MANBA: variants seen among roughly 807,000 people sequenced by gnomAD.
The protein encoded by MANBA is beta-mannosidase.
MANBA carries 83 observed loss-of-function variants against 111.1 expected under a neutral mutation model. The ratio of observed to expected loss-of-function variants is 0.75; its 90% CI spans 0.63 to 0.90. The LOEUF (loss-of-function observed/expected upper bound fraction) is 0.90. Ranked by LOEUF, MANBA falls within the 40% of genes least tolerant of loss-of-function variation. The pLI, the probability that MANBA is intolerant of heterozygous loss-of-function variation, is 0.00. For synonymous variants in MANBA, 370 were observed against 378.7 expected, an observed-to-expected ratio of 0.98 and a Z score of 0.27; for missense variants, 1,036 against 1,069.0, an observed-to-expected ratio of 0.97 and a Z score of 0.43.
At chr4:102,733,358 T>C (rs1723098468) in intron 1 of MANBA, among the ~76,000 whole-genome samples, 1 of 151,846 alleles carries the variant, frequency 6.6e-6, no homozygotes, top group African/African-American at 2.4e-5. Flanking sequence ...CATTTTTTTT[T>C]TTTTTTTTTG....
chr4:102,740,244 T>C lies in MANBA; in HGVS notation c.178-13561A>G, dbSNP rs138682640. 4.9e-3 allele frequency among the ~76,000 whole-genome samples: 751 copies of C among 152,136 alleles called. 3 individuals are homozygous for C. The highest frequency in any genetic ancestry group is 0.01 in the Middle Eastern group (3 of 294). On this transcript the variant is annotated intron_variant, in intron 1 of 16. Coordinates refer to ENST00000647097, the MANE Select transcript of MANBA (RefSeq NM_005908.4). ...TTAGGAATATACCTAACCAAGGACA[T>C]GAAAGACCTCTACAAGGAAAACCAT...
chr4:102,708,144 CT>C (rs1402851378), intron 5 of MANBA, among the ~76,000 whole-genome samples: 1 of 152,112 alleles, frequency 6.6e-6, no homozygotes, highest in African/African-American at 2.4e-5. Flanking sequence ...TTAAGCTGTA[CT>C]TTAGACCAAA....
At position 102,733,022 on chromosome 4, in the gene MANBA, A is replaced by G. The variant is rs559700000; in HGVS notation, c.178-6339T>C. ...GAAGGAATCTGCAAGTTGGTTCAAG[A>G]GGGCAATCTTCCCAGATATATTTTT... On this transcript the variant is annotated intron_variant, in intron 1 of 16. Transcript: ENST00000647097. Among the ~76,000 whole-genome samples, 205 of 152,316 alleles carry G rather than the reference A, an allele frequency of 1.3e-3. No individual in the cohort carries two copies. The Middle Eastern group carries it at 0.017, about 13-fold the overall frequency.
At chr4:102,755,397 C>T (rs1320002578) in intron 1 of MANBA, among the ~76,000 whole-genome samples, 1 of 152,176 alleles carries the variant, frequency 6.6e-6, no homozygotes, top group Non-Finnish European at 1.5e-5. Flanking sequence ...ATAAATGGTG[C>T]TGGGAAAACT....
At chr4:102,681,767 A>T (rs1731987178) in intron 7 of MANBA, among the ~76,000 whole-genome samples, 1 of 152,226 alleles carries the variant, frequency 6.6e-6, no homozygotes, top group African/African-American at 2.4e-5. Flanking sequence ...AAACAAGCTC[A>T]TACAATTCCA....
At chr4:102,671,232 C>A (rs753531227) in intron 9 of MANBA, 49 bp downstream of exon 9, 1 of 1,162,554 alleles carries the variant, frequency 8.6e-7, no homozygotes, top group South Asian at 1.2e-5. Flanking sequence ...GGCAGTCAAA[C>A]TGAGGATATA....
At chr4:102,708,424 A>C (rs1733400942) in intron 5 of MANBA, among the ~76,000 whole-genome samples, 1 of 152,188 alleles carries the variant, frequency 6.6e-6, no homozygotes, top group Non-Finnish European at 1.5e-5. Context: ...GAAAGAAATT[A>C]AGGAGGTAAT....
chr4:102,751,647 A>C (rs1167757411), intron 1 of MANBA: 1 of 541,938 alleles, frequency 1.8e-6, no homozygotes, highest in Admixed American at 1.9e-5. Context: ...AGTTGTGGAA[A>C]TAGAATATGT....
chr4:102,722,792 G>C (rs534169968), intron 4 of MANBA, 79 bp downstream of exon 4: 2 of 1,396,852 alleles, frequency 1.4e-6, no homozygotes, highest in Non-Finnish European at 2.0e-6. Flanking sequence ...AATGCCATGG[G>C]AGTCTTCAAA....
chr4:102,754,682 G>A (rs542850821), intron 1 of MANBA, among the ~76,000 whole-genome samples: 12 of 151,338 alleles, frequency 7.9e-5, no homozygotes, highest in Non-Finnish European at 1.6e-4. Flanking sequence ...TCAGCCTCCC[G>A]AGTAGCTGGG....
rs1457454742 is a variant in MANBA at position 102,722,855 on chromosome 4, T to C, written c.549+16A>G. On this transcript the variant is annotated intron_variant, in intron 4 of 16. Coordinates refer to ENST00000647097, the MANE Select transcript of MANBA (RefSeq NM_005908.4). ...GTCCTCAAAAATAAAACCCGACCTGTTTGAGAGACCATTACCTTCCGAACA... is the reference window on the plus strand; with the variant it reads ...GTCCTCAAAAATAAAACCCGACCTGCTTGAGAGACCATTACCTTCCGAACA... 2 of 1,613,138 alleles carry C rather than the reference T, an allele frequency of 1.2e-6. No homozygotes were observed. The highest frequency in any genetic ancestry group is 1.7e-5 in the Admixed American group (1 of 59,990).
At chr4:102,689,222 G>A (rs184535219) in intron 7 of MANBA, among the ~76,000 whole-genome samples, 3 of 151,902 alleles carry the variant, frequency 2.0e-5, no homozygotes, top group African/African-American at 7.2e-5. Flanking sequence ...GGTGGCGGGT[G>A]CCTGTAATCC....
At chr4:102,668,032 C>T (rs896277062) in intron 10 of MANBA, 7 of 152,164 alleles carry the variant, frequency 4.6e-5, no homozygotes, top group South Asian at 2.1e-4. Flanking sequence ...GGTTTCTAAA[C>T]TGTATTTTGG....
intron 7 of MANBA, among the ~76,000 whole-genome samples, chr4:102,675,542 C>T (rs755701333): frequency 6.6e-6 from 1 of 152,070 alleles, no homozygotes; most frequent in Non-Finnish European, 1.5e-5. Context: ...CTTTGAACCC[C>T]AAAGTTTCCC....
Position 102,760,710 on chromosome 4 carries a change from C to T in MANBA, c.177+8G>A. ...GCAGGCTCGCCGCGGGTCGGCCGCACGCCATACCTGGATCAGGCCCTGCTG... is the reference window on the plus strand; with the variant it reads ...GCAGGCTCGCCGCGGGTCGGCCGCATGCCATACCTGGATCAGGCCCTGCTG... On this transcript the variant is annotated splice_region_variant and intron_variant, in intron 1 of 16. Transcript: ENST00000647097. 6.5e-7 allele frequency: 1 copy of T among 1,528,818 alleles called. No individual in the cohort carries two copies. The highest frequency in any genetic ancestry group is 8.8e-7 in the Non-Finnish European group (1 of 1,133,288). The allele number at this position is 1,528,818 out of a possible 1,614,324, so 94.7% of individuals were successfully genotyped here.
chr4:102,704,790 T>G (rs1371410931), intron 5 of MANBA, among the ~76,000 whole-genome samples: 1 of 152,146 alleles, frequency 6.6e-6, no homozygotes, highest in Non-Finnish European at 1.5e-5. Context: ...AATGCTCTCA[T>G]GAGCTTACAC....
chr4:102,639,812 G>A lies in MANBA; in HGVS notation c.1915C>T (p.Arg639Cys), dbSNP rs144426440. ...TGATCCACTATCTCGCTGCGACTAC[G>A]GCGGTAGAATTCAGTTTCTGTTTTG... ...CVKTETEFYRRSRSEIVDQQG... is the reference protein window; with the variant it reads ...CVKTETEFYRCSRSEIVDQQG... Residue 639 changes from arginine (R) to cysteine (C), a missense_variant, in exon 14 of 17, where the codon CGT becomes TGT. Arg to Cys is a radical substitution (Grantham distance 180). Coordinates refer to ENST00000647097, the MANE Select transcript of MANBA (RefSeq NM_005908.4). 1.2e-5 allele frequency: 20 copies of A among 1,613,878 alleles called. No homozygotes were observed. Among genetic ancestry groups the A allele is most frequent in the Admixed American group, 6.7e-5 (4 of 59,980 alleles).
At chr4:102,689,358 AAAT>A (rs1325206942) in intron 7 of MANBA, among the ~76,000 whole-genome samples, 14 of 90,986 alleles carry the variant, frequency 1.5e-4, no homozygotes, top group Admixed American at 1.1e-3. Flanking sequence ...CAAAAAAAAA[AAAT>A]ATATATATAT....
chr4:102,650,591 G>A lies in MANBA; in HGVS notation c.1815C>T (p.Leu605=), dbSNP rs972345236. Reference sequence around the variant, plus strand: ...TGCGTAATGGATCTGTGCTTTGGGGGAGTTTGAAATGAAGTCCAGCCTGAT... The same window carrying A: ...TGCGTAATGGATCTGTGCTTTGGGGAAGTTTGAAATGAAGTCCAGCCTGAT... ...MLYQAGLHFK[L]PQSTDPLRTF... Residue 605 remains leucine, a synonymous_variant, in exon 13 of 17, where the codon CTC becomes CTT. Transcript: ENST00000647097. The A allele has an allele frequency of 1.9e-6, 3 of 1,613,516 alleles. No individual in the cohort carries two copies. The highest frequency in any genetic ancestry group is 2.5e-6 in the Non-Finnish European group (3 of 1,179,476).
Sources: gnomAD v4.1 joint callset for allele counts (sites outside exome capture counted in the v4.1 genomes callset) on GRCh38, gnomAD v4.1.1 for gene constraint, MANE v1.5 for transcripts, NCBI Gene and HGNC (gene_info 2026-07-23, HGNC 2026-07-21) for gene names.